NOP14: variants seen among roughly 807,000 people sequenced by gnomAD.
NOP14 encodes nucleolar protein 14.
NOP14 carries 57 observed loss-of-function variants against 101.6 expected under a neutral mutation model. The ratio of observed to expected loss-of-function variants is 0.56; its 90% CI spans 0.45 to 0.70. NOP14 has a LOEUF of 0.70. Ranked by LOEUF, NOP14 falls within the 30% of genes least tolerant of loss-of-function variation. The probability of loss-of-function intolerance (pLI) is 0.00; values close to 1 mark genes in which losing one functional copy is unlikely to be tolerated. For synonymous variants in NOP14, 428 were observed against 424.0 expected (o/e 1.01, Z -0.12); for missense variants, 1,134 against 1,075.5 (o/e 1.05, Z -0.76).
intron 11 of NOP14, 107 bp from the exon 12 acceptor site, chr4:2,945,336 T>G (rs1475373821): frequency 1.2e-6 from 1 of 815,758 alleles, no homozygotes; most frequent in Non-Finnish European, 2.0e-6. Flanking sequence ...GAGGAGAGGG[T>G]GCATCTCCTT....
chr4:2,942,216 G>A lies in NOP14; in HGVS notation c.2027C>T (p.Thr676Ile). The A allele has an allele frequency of 6.2e-7, 1 of 1,614,174 alleles. No individual in the cohort carries two copies. Among genetic ancestry groups the A allele is most frequent in the East Asian group, 2.2e-5 (1 of 44,888 alleles). The change falls in exon 14 of 18, where the codon ACT becomes ATT. Residue 676 changes from threonine to isoleucine, a missense_variant. Transcript: ENST00000416614. ...CCGGATGTGATTGGCCTCTGTCGAA[G>A]TTGGGGCCCTCAGTCTACTCGCCCA... ...LRWASRLRAP[T>I]STEANHIRLS...
intron 8 of NOP14, 110 bp from the exon 9 acceptor site, chr4:2,948,518 A>G: frequency 1.2e-6 from 1 of 816,730 alleles, no homozygotes; most frequent in South Asian, 2.2e-5. Context: ...GCAGTGGTGC[A>G]ATCTCAGCTC....
At chr4:2,945,503 T>G (rs1388363090) in intron 11 of NOP14, among the ~76,000 whole-genome samples, 1 of 152,208 alleles carries the variant, frequency 6.6e-6, no homozygotes, top group Non-Finnish European at 1.5e-5. Flanking sequence ...GGGAGTTGAT[T>G]AAAAATCACT....
chr4:2,941,796 G>A, intron 14 of NOP14, 67 bp from the exon 15 acceptor site: 2 of 1,534,968 alleles, frequency 1.3e-6, no homozygotes, highest in Non-Finnish European at 1.8e-6. Context: ...CCAATAACGT[G>A]GCAAAAATGA....
chr4:2,948,305 G>A lies in NOP14; in HGVS notation c.1386C>T (p.Leu462=), dbSNP rs1270112660. 1.9e-6 allele frequency: 3 copies of A among 1,605,610 alleles called. No homozygotes were observed. Among genetic ancestry groups the A allele is most frequent in the African/African-American group, 1.3e-5 (1 of 74,230 alleles). The part of the protein sequence containing the change: ...ERIQKCNHPS[L]AEGNKAKLEK... The stretch of plus-strand genomic sequence containing the variant: ...CTAATTTTGCTTTGTTTCCTTCTGC[G>A]AGACTCGGGTGGTTGCACTTCTGAA... The change falls in exon 9 of 18, where the codon CTC becomes CTT. Residue 462 remains leucine (L), a synonymous_variant. Transcript: ENST00000416614.
chr4:2,944,800 G>C (rs1714492467), intron 12 of NOP14, among the ~76,000 whole-genome samples: 5 of 152,210 alleles, frequency 3.3e-5, no homozygotes, highest in Admixed American at 3.3e-4. Flanking sequence ...TAAAGAAAAA[G>C]GAACAGCTTG....
intron 1 of NOP14, among the ~76,000 whole-genome samples, chr4:2,960,340 G>A (rs937181151): frequency 5.9e-5 from 9 of 151,928 alleles, no homozygotes; most frequent in Non-Finnish European, 1.0e-4. Context: ...TAGCAGGAAG[G>A]GGGTAGATGG....
intron 6 of NOP14, among the ~76,000 whole-genome samples, chr4:2,951,935 T>C (rs1715050295): frequency 6.6e-6 from 1 of 152,042 alleles, no homozygotes; most frequent in African/African-American, 2.4e-5. Flanking sequence ...GGCGAAATCC[T>C]ATCTCTACTA....
rs1577813278 is a variant in NOP14, at chr4:2,939,535, C to A, written c.2310G>T (p.Leu770=). The A allele has an allele frequency of 1.2e-6, 2 of 1,613,576 alleles. No individual in the cohort carries two copies. The highest frequency in any genetic ancestry group is 8.5e-7 in the Non-Finnish European group (1 of 1,179,828). ...ATGCTGCCAGCACCCACACTTTGAC[C>A]AGCCGGGGTGTGAAAAGCTTCAGTG... ...PVPLKLFTPR[L]VKVLEFGRKQ... The change falls in exon 16 of 18, where the codon CTG becomes CTT. Residue 770 remains leucine (L), a synonymous_variant. Transcript: ENST00000416614.
At chr4:2,962,317 G>A (rs1356443374) in intron 1 of NOP14, among the ~76,000 whole-genome samples, 1 of 152,124 alleles carries the variant, frequency 6.6e-6, no homozygotes, top group Non-Finnish European at 1.5e-5. Flanking sequence ...GACTCCTATC[G>A]AAGTCAGCTG....
chr4:2,953,758 G>C, intron 4 of NOP14, 113 bp from the exon 5 acceptor site: 1 of 1,181,808 alleles, frequency 8.5e-7, no homozygotes. Context: ...GGCACCAAAC[G>C]TTTCAACACA....
Position 2,939,112 on chromosome 4 carries a change from G to A in NOP14, c.2474+76C>T, listed in dbSNP as rs574835512. On this transcript the variant is annotated intron_variant, in intron 17 of 17. Coordinates refer to ENST00000416614, the MANE Select transcript of NOP14 (RefSeq NM_001291978.2). ...CAAGGCTGTGGGATGCCAGGTGCCC[G>A]GTGCTCTGCCCAGGGCCACACAGCA... is the stretch of plus-strand genomic sequence containing the variant. 2.4e-4 allele frequency: 374 copies of A among 1,580,484 alleles called. 1 individual carries two copies. The highest frequency in any genetic ancestry group is 2.9e-4 in the Non-Finnish European group (339 of 1,154,692).
intron 6 of NOP14, among the ~76,000 whole-genome samples, 166 bp downstream of exon 6, chr4:2,952,109 G>GA (rs34128991): frequency 0.34 from 38,202 of 110,928 alleles, 5,106 homozygotes; most frequent in Middle Eastern, 0.39. Context: ...CTGTCTCAAA[G>GA]AAAAAAAAAA....
At chr4:2,951,313 C>T (rs945324851) in intron 6 of NOP14, 68 bp from the exon 7 acceptor site, 1 of 1,498,596 alleles carries the variant, frequency 6.7e-7, no homozygotes, top group African/African-American at 1.4e-5. Flanking sequence ...GCCGTGCAGT[C>T]CTGCCCTGGG....
chr4:2,940,207 G>C (rs946626462), intron 15 of NOP14: 1 of 154,182 alleles, frequency 6.5e-6, no homozygotes, highest in Non-Finnish European at 1.4e-5. Context: ...TTTTCACCAA[G>C]ACCTTGGCTT....
At chr4:2,945,589 A>G (rs1714562941) in intron 11 of NOP14, among the ~76,000 whole-genome samples, 1 of 152,244 alleles carries the variant, frequency 6.6e-6, no homozygotes, top group African/African-American at 2.4e-5. Context: ...GCAACAGAAT[A>G]AAGAGCGTAT....
intron 9 of NOP14, 119 bp from the exon 10 acceptor site, chr4:2,947,730 A>C (rs575452189): frequency 2.2e-4 from 168 of 769,964 alleles, no homozygotes; most frequent in South Asian, 2.6e-4. Flanking sequence ...AGGGGAGCCC[A>C]GGGTGACAGA....
intron 4 of NOP14, among the ~76,000 whole-genome samples, chr4:2,953,938 C>T: frequency 6.6e-6 from 1 of 152,164 alleles, no homozygotes; most frequent in Non-Finnish European, 1.5e-5. Flanking sequence ...CCAGCAACAA[C>T]AAAAAACCCA....
intron 8 of NOP14, among the ~76,000 whole-genome samples, chr4:2,948,821 A>C (rs1233944650): frequency 6.6e-6 from 1 of 152,182 alleles, no homozygotes; most frequent in Non-Finnish European, 1.5e-5. Flanking sequence ...TTATATAACT[A>C]TTCTACTTCA....
Sources: allele counts gnomAD v4.1 joint callset (sites outside exome capture counted in the v4.1 genomes callset), GRCh38; gene constraint gnomAD v4.1.1; transcripts MANE v1.5; gene names NCBI Gene and HGNC (gene_info 2026-07-23, HGNC 2026-07-21).